Variants in PASK observed in about 807,000 individuals in gnomAD.
PASK encodes PAS domain-containing serine/threonine-protein kinase.
Under a neutral mutation model 121.0 loss-of-function variants are expected in PASK, and 110 were observed. The ratio of observed to expected loss-of-function variants is 0.91; its 90% confidence interval spans 0.78 to 1.06. PASK has a LOEUF of 1.06. Among genes scored for constraint, PASK ranks in the 50% least tolerant of loss-of-function variants. The pLI is 0.00. For missense variants in PASK, 1,643 were observed against 1,702.3 expected (o/e 0.97, Z 0.61); for synonymous variants, 686 against 717.8 (o/e 0.96, Z 0.71).
chr2:241,132,883 G>C lies in PASK; in HGVS notation c.1454C>G (p.Pro485Arg), dbSNP rs762904323. The change falls in exon 9 of 18, where the codon CCT (proline) becomes CGT (arginine). Residue 485 changes from proline (P) to arginine (R), a missense_variant. By Grantham distance (103) the Pro-to-Arg change is moderately radical. This residue lies in a region of PASK where 1,176 missense variants were observed against 1,162.2 expected (regional missense o/e 1.01). Transcript: ENST00000234040. ...GQLLSCLSPQ[P>R]APGVDNVPEG... Reference sequence around the variant, plus strand: ...CCACCAAGGGACTTACCCTGGAGCAGGCTGAGGTGAGAGGCAGGAAAGGAG... The same window carrying C: ...CCACCAAGGGACTTACCCTGGAGCACGCTGAGGTGAGAGGCAGGAAAGGAG... 3 of 1,613,932 alleles carry C rather than the reference G, an allele frequency of 1.9e-6. No homozygotes were observed. The highest frequency in any genetic ancestry group is 2.5e-6 in the Non-Finnish European group (3 of 1,179,768).
At chr2:241,129,532 G>A (rs148525823) in intron 9 of PASK, among the ~76,000 whole-genome samples, 1,612 of 152,328 alleles carry the variant, frequency 0.011, 15 homozygotes, top group Admixed American at 0.016. Context: ...AGCTTCTCAC[G>A]TGCTTAGGGC....
At position 241,128,988 on chromosome 2, in the gene PASK, C is replaced by T. The variant is rs555773252; in HGVS notation, c.1464-1537G>A. 3.3e-5 allele frequency among the ~76,000 whole-genome samples: 5 copies of T among 152,022 alleles called. No individual in the cohort carries two copies. In the East Asian group the frequency reaches 9.7e-4, roughly 30 times the overall value. ...AACTGAGGGGGAGGCTGAGGGTCTG[C>T]GTCTGCCTGCCTCTCTCCCTCCATG... On this transcript the variant is annotated intron_variant, in intron 9 of 17. Transcript: ENST00000234040.
chr2:241,149,463 G>A lies in PASK; in HGVS notation c.-92C>T. ...AGCCGGCTACACACCACGGAAAGGA[G>A]CCCTTCCGCGCTTTTATCCCACCGA... On this transcript the variant is annotated 5_prime_UTR_variant, in exon 1 of 18. Coordinates refer to ENST00000234040, the MANE Select transcript of PASK (RefSeq NM_015148.4). 1.7e-6 allele frequency: 1 copy of A among 595,294 alleles called. No homozygotes were observed. The highest frequency in any genetic ancestry group is 2.9e-6 in the Non-Finnish European group (1 of 339,178). 36.9% of individuals were successfully genotyped at this position (595,294 alleles called of 1,614,324 possible).
At chr2:241,113,746 C>T (rs2065207665) in intron 14 of PASK, 3 of 985,376 alleles carry the variant, frequency 3.0e-6, no homozygotes, top group South Asian at 4.7e-5. Context: ...CTTCTGTGCC[C>T]TGGACTGGCC....
intron 8 of PASK, chr2:241,133,753 C>T (rs145268423): frequency 0.019 from 2,852 of 153,320 alleles, 43 homozygotes; most frequent in Non-Finnish European, 0.024. Flanking sequence ...GAGACCGAGG[C>T]GGGCAGATCA....
In PASK at chr2:241,139,868, C is replaced by T; in HGVS notation, c.600+17G>A. On this transcript the variant is annotated intron_variant, in intron 4 of 17. Coordinates refer to ENST00000234040, the MANE Select transcript of PASK (RefSeq NM_015148.4). ...GGTCTTGAGGCCAGACTGAACGCTGCACCCGCATCCACTCACCACCGTGCC... is the reference window on the plus strand; with the variant it reads ...GGTCTTGAGGCCAGACTGAACGCTGTACCCGCATCCACTCACCACCGTGCC... The T allele has an allele frequency of 6.2e-7, 1 of 1,613,136 alleles. No homozygotes were observed.
chr2:241,137,702 C>T (rs562267170), intron 6 of PASK, among the ~76,000 whole-genome samples: 2 of 152,324 alleles, frequency 1.3e-5, no homozygotes, highest in Admixed American at 6.5e-5. Context: ...CCTTGGGCAG[C>T]GTCCCAGCAT....
At chr2:241,147,961 G>T (rs2067043631) in intron 1 of PASK, among the ~76,000 whole-genome samples, 1 of 152,168 alleles carries the variant, frequency 6.6e-6, no homozygotes, top group Non-Finnish European at 1.5e-5. Flanking sequence ...TCACTGAACA[G>T]CATAGGCCCC....
Position 241,126,731 on chromosome 2 carries a change from T to G in PASK, c.2184A>C (p.Ala728=). Residue 728 remains alanine, a synonymous_variant, in exon 10 of 18, where the codon GCA becomes GCC. Coordinates refer to ENST00000234040, the MANE Select transcript of PASK (RefSeq NM_015148.4). ...TCACATCAACCTCCTGGGCCTCCAC[T>G]GCTTCCAGGCCCCCAGGGAGGTCCG... ...LATDLPGGLE[A]VEAQEVDVNS... is the part of the protein sequence containing the mutation. 6.2e-7 allele frequency: 1 copy of G among 1,614,170 alleles called. No individual in the cohort carries two copies. The highest frequency in any genetic ancestry group is 8.5e-7 in the Non-Finnish European group (1 of 1,180,036).
intron 7 of PASK, 133 bp downstream of exon 7, chr2:241,136,871 A>G (rs1301494923): frequency 2.1e-5 from 17 of 805,850 alleles, no homozygotes; most frequent in Non-Finnish European, 3.3e-5. Context: ...CCTGGACCCA[A>G]GGTCCTTCCT....
rs574299334 is a variant in PASK, at chr2:241,145,167, C to A, written c.-42-2093G>T. ...TGACCTCGTGATCCACCTGCTGCGG[C>A]CTCCCAAACTGCTGGGATTACAGGC... On this transcript the variant is annotated intron_variant, in intron 1 of 17. Transcript: ENST00000234040. 2.0e-5 allele frequency among the ~76,000 whole-genome samples: 3 copies of A among 152,326 alleles called. No individual in the cohort carries two copies. In the East Asian group the frequency reaches 5.8e-4, roughly 29 times the overall value.
rs981259972 is a variant in PASK, at chr2:241,136,938, C to A, written c.1137+66G>T. ...GTGCGAGGCCTGTGCCACACGCAAGCCCGCACTGCAGAGCACAGCAGCTTC... is the reference window on the plus strand; with the variant it reads ...GTGCGAGGCCTGTGCCACACGCAAGACCGCACTGCAGAGCACAGCAGCTTC... On this transcript the variant is annotated intron_variant, in intron 7 of 17. Coordinates refer to ENST00000234040, the MANE Select transcript of PASK (RefSeq NM_015148.4). 4.2e-5 allele frequency: 62 copies of A among 1,488,080 alleles called. No individual in the cohort carries two copies. The African/African-American group carries it at 8.2e-4, about 20-fold the overall frequency. The allele number at this position is 1,488,080 out of a possible 1,614,324, so 92.2% of individuals were successfully genotyped here.
chr2:241,146,042 A>G (rs1315322808), intron 1 of PASK, among the ~76,000 whole-genome samples: 3 of 152,230 alleles, frequency 2.0e-5, no homozygotes, highest in African/African-American at 7.2e-5. Context: ...TGCCACATAC[A>G]TAACCAACAG....
intron 9 of PASK, among the ~76,000 whole-genome samples, chr2:241,130,689 C>A (rs956396469): frequency 6.6e-6 from 1 of 152,194 alleles, no homozygotes; most frequent in African/African-American, 2.4e-5. Context: ...TACCCTCTCA[C>A]GCCACTCAAC....
chr2:241,138,678 C>T lies in PASK; in HGVS notation c.717G>A (p.Ser239=), dbSNP rs774944055. ...VVVLEPVERV[S]TWVAFQSDGT... ...CATCGCTCTGGAAAGCGACCCAGGT[C>T]GAGACCCTCTCCACGGGCTCCAGGA... Residue 239 remains serine (S), a synonymous_variant, in exon 5 of 18, where the codon TCG becomes TCA. Coordinates refer to ENST00000234040, the MANE Select transcript of PASK (RefSeq NM_015148.4). 1.5e-5 allele frequency: 25 copies of T among 1,613,934 alleles called. No individual in the cohort carries two copies. Among genetic ancestry groups the T allele is most frequent in the South Asian group, 1.4e-4 (13 of 91,090 alleles).
chr2:241,128,990 T>C (rs1428385395), intron 9 of PASK, among the ~76,000 whole-genome samples: 1 of 150,390 alleles, frequency 6.6e-6, no homozygotes, highest in Non-Finnish European at 1.5e-5. Flanking sequence ...AGGGTCTGCG[T>C]CTGCCTGCCT....
At chr2:241,138,840 G>A in intron 4 of PASK, 46 bp from the exon 5 acceptor site, 1 of 1,603,954 alleles carries the variant, frequency 6.2e-7, no homozygotes, top group Non-Finnish European at 8.5e-7. Context: ...GAACCCAAAA[G>A]ACCAGTATGG....
intron 1 of PASK, among the ~76,000 whole-genome samples, chr2:241,144,427 G>A (rs1302236458): frequency 1.3e-5 from 2 of 152,182 alleles, no homozygotes; most frequent in African/African-American, 4.8e-5. Context: ...GCCAATACCA[G>A]AACCATGGCT....
Position 241,108,274 on chromosome 2 carries a change from C to T in PASK, c.3560G>A (p.Trp1187Ter). ...NPYRGPELEMWSLGVTLYTLV... is the reference protein window; with the variant it reads ...NPYRGPELEM Reference sequence around the variant, plus strand: ...CGTGTACAGAGTGACTCCCAGAGACCACATCTCCAGCTCCGGCCCTCTGTA... The same window carrying T: ...CGTGTACAGAGTGACTCCCAGAGACTACATCTCCAGCTCCGGCCCTCTGTA... The change falls in exon 16 of 18, where the codon TGG (tryptophan) becomes TAG (stop). Residue 1187 changes from tryptophan to a stop codon, truncating the protein, a stop_gained. Transcript: ENST00000234040. LOFTEE classifies it high-confidence loss of function. The surrounding 1 kb of genome is among the most constrained non-coding windows in gnomAD (Gnocchi z 5.2). 6.2e-7 allele frequency: 1 copy of T among 1,614,096 alleles called. No homozygotes were observed.
Sources: gnomAD v4.1 joint callset for allele counts (sites outside exome capture counted in the v4.1 genomes callset) on GRCh38, gnomAD v4.1.1 for gene constraint, gnomAD v4.1.1 regional missense constraint, Gnocchi (gnomAD v3.1) non-coding constraint, MANE v1.5 for transcripts, NCBI Gene and HGNC (gene_info 2026-07-23, HGNC 2026-07-21) for gene names.